Variants in NLK observed in about 807,000 individuals in gnomAD.
NLK encodes the protein nemo like kinase.
NLK carries 11 observed loss-of-function variants against 59.0 expected under a neutral mutation model. The ratio of observed to expected loss-of-function variants is 0.19; its 90% CI spans 0.12 to 0.31. The LOEUF is 0.31. Among genes scored for constraint, NLK ranks in the 10% least tolerant of loss-of-function variants. The pLI, the probability that NLK is intolerant of heterozygous loss-of-function variation, is 1.00. For synonymous variants in NLK, 235 were observed against 235.9 expected (o/e 1.00, Z 0.03); for missense variants, 410 against 661.1 (o/e 0.62, Z 4.16).
At chr17:28,139,081 C>T (rs1457293292) in intron 3 of NLK, among the ~76,000 whole-genome samples, 1 of 152,190 alleles carries the variant, frequency 6.6e-6, no homozygotes, top group African/African-American at 2.4e-5. Context: ...CATGGCGAAA[C>T]CCCGTCTCTA....
chr17:28,111,885 T>TG (rs1348278045), intron 1 of NLK, among the ~76,000 whole-genome samples: 1 of 127,270 alleles, frequency 7.9e-6, no homozygotes, highest in Non-Finnish European at 1.6e-5. Context: ...TGTGTGTGTG[T>TG]GTGTGTGTGT....
At chr17:28,143,951 T>C (rs779280962) in intron 3 of NLK, among the ~76,000 whole-genome samples, 1 of 152,248 alleles carries the variant, frequency 6.6e-6, no homozygotes, top group Non-Finnish European at 1.5e-5. Context: ...AGCATTTATT[T>C]GTAATACTTT....
chr17:28,179,479 C>G (rs1011590175), intron 7 of NLK, among the ~76,000 whole-genome samples: 1 of 148,018 alleles, frequency 6.8e-6, no homozygotes, highest in Non-Finnish European at 1.5e-5. Flanking sequence ...GCCTGTAATT[C>G]CAGCACTTTG....
chr17:28,094,651 G>C (rs1273316666), intron 1 of NLK, among the ~76,000 whole-genome samples: 2 of 152,174 alleles, frequency 1.3e-5, no homozygotes, highest in Non-Finnish European at 2.9e-5. Context: ...TCTTTGAGGT[G>C]GGTGGGTGGT....
At chr17:28,148,475 T>G (rs78504187) in intron 3 of NLK, among the ~76,000 whole-genome samples, 2,017 of 152,298 alleles carry the variant, frequency 0.013, 47 homozygotes, top group African/African-American at 0.046. Context: ...AGAGGTAAAA[T>G]ACTTGAAGGA....
intron 7 of NLK, among the ~76,000 whole-genome samples, chr17:28,175,667 C>T (rs1322920092): frequency 6.6e-6 from 1 of 152,086 alleles, no homozygotes; most frequent in Non-Finnish European, 1.5e-5. Flanking sequence ...GGTTTTACCT[C>T]ATTAAATTGT....
intron 1 of NLK, among the ~76,000 whole-genome samples, chr17:28,069,683 T>A (rs1396610805): frequency 6.6e-6 from 1 of 152,194 alleles, no homozygotes; most frequent in Non-Finnish European, 1.5e-5. Context: ...TGTCTTTTTT[T>A]TTCCTGAAAA....
intron 4 of NLK, among the ~76,000 whole-genome samples, chr17:28,162,035 A>G (rs1442970239): frequency 1.3e-5 from 2 of 151,964 alleles, no homozygotes; most frequent in Non-Finnish European, 2.9e-5. Flanking sequence ...TTTTTTTTTC[A>G]GACAGAGTCT....
intron 1 of NLK, among the ~76,000 whole-genome samples, chr17:28,075,847 C>G (rs1270056513): frequency 6.6e-6 from 1 of 152,134 alleles, no homozygotes; most frequent in Non-Finnish European, 1.5e-5. Context: ...TAATCTTACA[C>G]TGTATGCTTC....
chr17:28,143,735 T>C (rs1042165536), intron 3 of NLK, among the ~76,000 whole-genome samples: 2 of 152,232 alleles, frequency 1.3e-5, no homozygotes, highest in Non-Finnish European at 2.9e-5. Flanking sequence ...CAGACTTCAG[T>C]TGAGCAGGGA....
rs1350315982 is a variant in NLK, at chr17:28,096,600, GGC to G, written c.459-26002_459-26001del. Among the ~76,000 whole-genome samples, 3 of 152,122 alleles carry G rather than the reference GGC, an allele frequency of 2.0e-5. No homozygotes were observed. In the East Asian group the frequency reaches 5.8e-4, roughly 29 times the overall value. ...TTTAATATTGGAATCCTGACACCTG[GGC>G]ATCAAAAGGGAAACTTTCAATGGGT... On this transcript the variant is annotated intron_variant, in intron 1 of 10. Transcript: ENST00000407008.
chr17:28,116,009 G>C (rs1905752510), intron 1 of NLK, among the ~76,000 whole-genome samples: 1 of 151,434 alleles, frequency 6.6e-6, no homozygotes, highest in African/African-American at 2.4e-5. Context: ...TTTTATTGTT[G>C]TTGCTGAAGT....
At chr17:28,180,539 GA>G (rs1908863733) in intron 7 of NLK, among the ~76,000 whole-genome samples, 1 of 152,230 alleles carries the variant, frequency 6.6e-6, no homozygotes, top group Admixed American at 6.5e-5. Context: ...GCCAAAGCTT[GA>G]GTGACTTACC....
chr17:28,162,078 C>T (rs1908029563), intron 4 of NLK, among the ~76,000 whole-genome samples: 2 of 152,042 alleles, frequency 1.3e-5, no homozygotes, highest in South Asian at 4.2e-4. Context: ...TGCAGTGGTG[C>T]GATCTCAGCT....
intron 1 of NLK, among the ~76,000 whole-genome samples, chr17:28,086,795 G>A (rs1910532459): frequency 6.6e-6 from 1 of 151,520 alleles, no homozygotes; most frequent in African/African-American, 2.4e-5. Flanking sequence ...CACTTTGAGA[G>A]GCAGTAGGAT....
At chr17:28,091,176 C>G (rs1032612519) in intron 1 of NLK, among the ~76,000 whole-genome samples, 1 of 152,064 alleles carries the variant, frequency 6.6e-6, no homozygotes, top group Non-Finnish European at 1.5e-5. Flanking sequence ...TATATAAAAG[C>G]TTAGGCCAGT....
intron 5 of NLK, among the ~76,000 whole-genome samples, chr17:28,164,546 C>G (rs1317481024): frequency 5.3e-5 from 8 of 152,132 alleles, no homozygotes; most frequent in Admixed American, 5.2e-4. Context: ...AGTTTTACTT[C>G]TCTTCCCTAG....
intron 1 of NLK, among the ~76,000 whole-genome samples, chr17:28,121,671 G>A (rs887369152): frequency 1.3e-5 from 2 of 151,128 alleles, no homozygotes; most frequent in Non-Finnish European, 3.0e-5. Flanking sequence ...GCTAAATTTT[G>A]TATTTTTGGT....
intron 1 of NLK, 119 bp from the exon 2 acceptor site, chr17:28,122,484 G>A: frequency 1.0e-6 from 1 of 997,986 alleles, no homozygotes; most frequent in Non-Finnish European, 1.5e-6. Flanking sequence ...TCATTAAGTG[G>A]ACTTAATGTT....
Sources: gnomAD v4.1 joint callset for allele counts (sites outside exome capture counted in the v4.1 genomes callset) on GRCh38, gnomAD v4.1.1 for gene constraint, MANE v1.5 for transcripts, NCBI Gene and HGNC (gene_info 2026-07-23, HGNC 2026-07-21) for gene names.